Variants in ARHGEF4 observed in about 807,000 individuals in gnomAD.
ARHGEF4 encodes the protein APC-stimulated guanine nucleotide exchange factor 1.
Under a neutral mutation model 162.0 loss-of-function variants are expected in ARHGEF4, and 119 were observed. The observed-to-expected ratio is 0.73, with a 90% CI of 0.63 to 0.86. The LOEUF (loss-of-function observed/expected upper bound fraction) is 0.86, where lower values mean the gene tolerates loss of function less well. Among genes scored for constraint, ARHGEF4 ranks in the 40% least tolerant of loss-of-function variants. ARHGEF4 has a pLI of 0.00. For synonymous variants in ARHGEF4, 1,014 were observed against 979.9 expected (o/e 1.03, Z -0.65); for missense variants, 2,488 against 2,456.0 (o/e 1.01, Z -0.28).
At chr2:130,970,745 A>G (rs992040180) in intron 4 of ARHGEF4, among the ~76,000 whole-genome samples, 1 of 152,206 alleles carries the variant, frequency 6.6e-6, no homozygotes, top group Non-Finnish European at 1.5e-5. Flanking sequence ...CCAGACCCAC[A>G]TAATTTTTAT....
chr2:130,999,710 TTTG>T (rs1255169286), intron 4 of ARHGEF4, among the ~76,000 whole-genome samples: 1 of 152,166 alleles, frequency 6.6e-6, no homozygotes, highest in Non-Finnish European at 1.5e-5. Context: ...TTTGTTTTGT[TTTG>T]TTTTTTGAGA....
chr2:130,843,342 C>G (rs966463296), intron 1 of ARHGEF4, among the ~76,000 whole-genome samples: 3 of 152,206 alleles, frequency 2.0e-5, no homozygotes, highest in African/African-American at 7.2e-5. Context: ...AGCAGGAACC[C>G]AAGGCTGGAG....
intron 4 of ARHGEF4, among the ~76,000 whole-genome samples, chr2:130,984,262 C>T (rs1301437664): frequency 1.3e-5 from 2 of 152,158 alleles, no homozygotes; most frequent in Non-Finnish European, 2.9e-5. Flanking sequence ...GAGAGCACCA[C>T]ATACTAAGCA....
At chr2:130,903,847 G>A (rs1011578384) in intron 1 of ARHGEF4, among the ~76,000 whole-genome samples, 1 of 152,136 alleles carries the variant, frequency 6.6e-6, no homozygotes, top group Non-Finnish European at 1.5e-5. Flanking sequence ...TTACACAAAG[G>A]ATTTGATTTT....
intron 1 of ARHGEF4, among the ~76,000 whole-genome samples, chr2:130,860,446 C>G (rs1472977891): frequency 1.3e-5 from 1 of 76,622 alleles, no homozygotes; most frequent in Non-Finnish European, 2.2e-5. Context: ...CAGTGGCTCA[C>G]GCCTGTAATC....
chr2:130,890,780 CT>C (rs763364571), intron 1 of ARHGEF4, among the ~76,000 whole-genome samples: 24 of 151,922 alleles, frequency 1.6e-4, no homozygotes, highest in Non-Finnish European at 2.9e-4. Flanking sequence ...GATACTTAAG[CT>C]TGTCTTTTGT....
intron 4 of ARHGEF4, among the ~76,000 whole-genome samples, chr2:130,976,989 T>C (rs1314013621): frequency 6.6e-6 from 1 of 151,616 alleles, no homozygotes; most frequent in African/African-American, 2.4e-5. Flanking sequence ...TTGTAGTGTA[T>C]ATTACTGTGT....
intron 3 of ARHGEF4, among the ~76,000 whole-genome samples, chr2:130,939,193 A>G (rs966391479): frequency 2.6e-5 from 4 of 152,202 alleles, no homozygotes; most frequent in African/African-American, 9.7e-5. Flanking sequence ...CCCTAGGATA[A>G]TGGCCTCCAG....
intron 4 of ARHGEF4, among the ~76,000 whole-genome samples, chr2:130,956,823 TG>T (rs1195442383): frequency 1.3e-4 from 4 of 31,178 alleles, no homozygotes; most frequent in Non-Finnish European, 1.8e-4. Context: ...TGTCGTGGGG[TG>T]GGGGGAGGGG....
At chr2:130,998,143 C>A (rs1687524308) in intron 4 of ARHGEF4, among the ~76,000 whole-genome samples, 1 of 152,200 alleles carries the variant, frequency 6.6e-6, no homozygotes, top group African/African-American at 2.4e-5. Flanking sequence ...AAGTCTTTTT[C>A]ACATAGTGCC....
chr2:130,915,529 C>T lies in ARHGEF4; in HGVS notation c.1583C>T (p.Pro528Leu). 1.9e-6 allele frequency: 3 copies of T among 1,550,570 alleles called. No individual in the cohort carries two copies. The highest frequency in any genetic ancestry group is 2.6e-6 in the Non-Finnish European group (3 of 1,147,008). Residue 528 changes from proline to leucine, a missense_variant, in exon 2 of 14, where the codon CCT becomes CTT. Transcript: ENST00000409359. Reference sequence around the variant, plus strand: ...ACCAGGGCCAAGTTCCCACGGCAGCCTAGCAGTGAGGGGACCCAGGTGTGG... The same window carrying T: ...ACCAGGGCCAAGTTCCCACGGCAGCTTAGCAGTGAGGGGACCCAGGTGTGG... ...SPTRAKFPRQ[P>L]SSEGTQVWSG...
intron 8 of ARHGEF4, 74 bp downstream of exon 8, chr2:131,040,514 C>G: frequency 6.9e-7 from 1 of 1,457,632 alleles, no homozygotes; most frequent in East Asian, 2.5e-5. Flanking sequence ...GCGCGGACAG[C>G]GGGTGGCTGG....
chr2:131,019,694 C>A (rs1051278108), intron 4 of ARHGEF4, among the ~76,000 whole-genome samples: 1 of 151,900 alleles, frequency 6.6e-6, no homozygotes, highest in Non-Finnish European at 1.5e-5. Flanking sequence ...AGTGCAGTGG[C>A]GCGATCTCGG....
intron 1 of ARHGEF4, among the ~76,000 whole-genome samples, chr2:130,878,287 G>C (rs1431762639): frequency 1.3e-5 from 2 of 152,116 alleles, no homozygotes; most frequent in African/African-American, 4.8e-5. Context: ...TCCACGAATT[G>C]TAGTTTGCTG....
chr2:130,881,660 T>C (rs1478178708), intron 1 of ARHGEF4, among the ~76,000 whole-genome samples: 1 of 152,084 alleles, frequency 6.6e-6, no homozygotes, highest in Non-Finnish European at 1.5e-5. Context: ...GGTTTTGCTA[T>C]AGTGAATGCT....
chr2:130,843,705 CTTG>C (rs768174830), intron 1 of ARHGEF4, among the ~76,000 whole-genome samples: 82 of 152,226 alleles, frequency 5.4e-4, no homozygotes, highest in Non-Finnish European at 9.7e-4. Context: ...GCACCCCCTG[CTTG>C]TTGGGACATA....
Position 130,942,843 on chromosome 2 carries a change from A to G in ARHGEF4, c.3859-3666A>G, listed in dbSNP as rs137911515. ...TTTCAAACTTTTTTAAAATTTCATTATTATGATTATCACCAAGGATATAGC... is the reference window on the plus strand; with the variant it reads ...TTTCAAACTTTTTTAAAATTTCATTGTTATGATTATCACCAAGGATATAGC... On this transcript the variant is annotated intron_variant, in intron 3 of 13. Transcript: ENST00000409359. 1.9e-3 allele frequency among the ~76,000 whole-genome samples: 287 copies of G among 152,306 alleles called. 3 individuals carry two copies. Among genetic ancestry groups the G allele is most frequent in the African/African-American group, 6.6e-3 (274 of 41,560 alleles).
intron 4 of ARHGEF4, among the ~76,000 whole-genome samples, chr2:130,957,840 GC>G (rs34236756): frequency 0.095 from 14,496 of 152,078 alleles, 722 homozygotes; most frequent in Non-Finnish European, 0.11. Flanking sequence ...ACTTGGCCAG[GC>G]TGGCACCCTG....
At chr2:130,976,912 G>A (rs1320900693) in intron 4 of ARHGEF4, among the ~76,000 whole-genome samples, 1 of 151,996 alleles carries the variant, frequency 6.6e-6, no homozygotes, top group African/African-American at 2.4e-5. Flanking sequence ...AGTGTGTGGT[G>A]TGTATGGTGT....
Sources: gnomAD v4.1 joint callset for allele counts (sites outside exome capture counted in the v4.1 genomes callset) on GRCh38, gnomAD v4.1.1 for gene constraint, MANE v1.5 for transcripts, NCBI Gene and HGNC (gene_info 2026-07-23, HGNC 2026-07-21) for gene names.